Variants in ZCCHC10 observed in about 807,000 individuals in gnomAD.
ZCCHC10 encodes zinc finger CCHC-type containing 10.
ZCCHC10 carries 16 observed loss-of-function variants against 19.5 expected under a neutral mutation model. That is an observed-to-expected ratio of 0.82 (90% CI 0.56 to 1.25). ZCCHC10 has a LOEUF of 1.25. ZCCHC10 is among the 50% of genes most tolerant of loss of function. The probability of loss-of-function intolerance (pLI) is 0.00; values close to 1 mark genes in which losing one functional copy is unlikely to be tolerated. For missense variants in ZCCHC10, 197 were observed against 201.0 expected (o/e 0.98, Z 0.12); for synonymous variants, 67 against 72.5 (o/e 0.92, Z 0.38).
rs1224857090 is a variant in ZCCHC10 at position 133,022,884 on chromosome 5, C to A, written c.64G>T (p.Val22Phe). 2 of 611,746 alleles carry A rather than the reference C, an allele frequency of 3.3e-6. No homozygotes were observed. The highest frequency in any genetic ancestry group is 5.8e-6 in the Non-Finnish European group (2 of 344,642). 37.9% of individuals were successfully genotyped at this position (611,746 alleles called of 1,614,324 possible). The change falls in exon 2 of 5, where the codon GTC (valine) becomes TTC (phenylalanine). Residue 22 changes from valine to phenylalanine, a missense_variant. Val to Phe is a conservative substitution (Grantham distance 50). Coordinates refer to ENST00000509437, the MANE Select transcript of ZCCHC10 (RefSeq NM_001300816.3). ...TGAATCAGGATCCAAAAGGTCTTGA[C>A]AGGCTGCAACTCTGTGTCGAATCTA... ...RQAFDTELQP[V>F]KTFWILIQPS... is the part of the protein sequence containing the mutation.
intron 2 of ZCCHC10, among the ~76,000 whole-genome samples, chr5:133,017,934 A>T (rs898195585): frequency 1.3e-5 from 2 of 152,154 alleles, no homozygotes; most frequent in Non-Finnish European, 2.9e-5. Flanking sequence ...ACTTGAAGCC[A>T]GGAGTTCGAG....
chr5:133,011,291 C>T lies in ZCCHC10; in HGVS notation c.108-4371G>A, dbSNP rs951208959. The stretch of plus-strand genomic sequence containing the variant: ...TAATAATCCTAAAAACTACCAAATA[C>T]CTAGAAAACAGAGAAAAGAAGTGTG... On this transcript the variant is annotated intron_variant, in intron 2 of 4. Transcript: ENST00000509437. The T allele has an allele frequency of 2.6e-5, 4 of 151,482 alleles. No homozygotes were observed. The South Asian group carries it at 6.2e-4, about 24-fold the overall frequency. The allele number at this position is 151,482 out of a possible 1,614,324, so 9.4% of individuals were successfully genotyped here. A position where few individuals can be genotyped will look rare whatever the true frequency, so the allele number is the denominator to read the frequency against.
chr5:133,012,463 A>C (rs1763619046), intron 2 of ZCCHC10, among the ~76,000 whole-genome samples: 1 of 136,568 alleles, frequency 7.3e-6, no homozygotes, highest in Non-Finnish European at 1.6e-5. Flanking sequence ...GTGAGACTCC[A>C]TCTCAAAGAA....
intron 1 of ZCCHC10, among the ~76,000 whole-genome samples, chr5:133,024,796 G>A (rs967094147): frequency 2.6e-5 from 4 of 152,146 alleles, no homozygotes; most frequent in East Asian, 1.9e-4. Flanking sequence ...CCAGCTAGTC[G>A]GGAGGCTGAG....
At chr5:133,005,465 T>TACAA (rs1763059257) in intron 3 of ZCCHC10, among the ~76,000 whole-genome samples, 1 of 151,802 alleles carries the variant, frequency 6.6e-6, no homozygotes, top group Non-Finnish European at 1.5e-5. Flanking sequence ...ATACAAAAAA[T>TACAA]TAGCCAGGCG....
intron 1 of ZCCHC10, among the ~76,000 whole-genome samples, chr5:133,025,468 C>A (rs542010758): frequency 1.5e-5 from 2 of 134,492 alleles, no homozygotes; most frequent in African/African-American, 5.6e-5. Context: ...TGCACCTCTG[C>A]ACTCCAGCCT....
At chr5:133,000,842 C>T (rs1762723252) in intron 3 of ZCCHC10, among the ~76,000 whole-genome samples, 1 of 151,620 alleles carries the variant, frequency 6.6e-6, no homozygotes, top group Non-Finnish European at 1.5e-5. Context: ...AGGGTTTTAT[C>T]ATACTGGCCA....
rs534931555 is a variant in ZCCHC10, at chr5:133,022,634, G to T, written c.107+207C>A. Among the ~76,000 whole-genome samples, 3 of 152,094 alleles carry T rather than the reference G, an allele frequency of 2.0e-5. No homozygotes were observed. In the South Asian group the frequency reaches 6.2e-4, roughly 32 times the overall value. On this transcript the variant is annotated intron_variant, in intron 2 of 4. Transcript: ENST00000509437. ...CATCCAGCTAATTTTTGTAATTTTT[G>T]TAGAGATGGGGTTTCAACATGTTGG... is the stretch of plus-strand genomic sequence containing the variant.
intron 1 of ZCCHC10, among the ~76,000 whole-genome samples, chr5:133,025,797 T>C (rs760006669): frequency 6.6e-6 from 1 of 152,142 alleles, no homozygotes; most frequent in Non-Finnish European, 1.5e-5. Flanking sequence ...GGCCTTTCCC[T>C]CTTTCCATCA....
intron 2 of ZCCHC10, among the ~76,000 whole-genome samples, chr5:133,021,815 A>G (rs1484635057): frequency 6.6e-6 from 1 of 151,486 alleles, no homozygotes; most frequent in Non-Finnish European, 1.5e-5. Flanking sequence ...TTTTTTTGAA[A>G]CAGAGTCTTG....
intron 3 of ZCCHC10, 146 bp downstream of exon 3, chr5:133,006,613 T>G (rs1452025679): frequency 2.5e-5 from 18 of 717,674 alleles, no homozygotes; most frequent in Non-Finnish European, 3.4e-5. Context: ...GACCCTAGAA[T>G]AGTACTTGGC....
At position 133,026,394 on chromosome 5, in the gene ZCCHC10, C is replaced by G. The variant is rs1764716794; in HGVS notation, c.41+103G>C. 4 of 1,482,780 alleles carry G rather than the reference C, an allele frequency of 2.7e-6. No individual in the cohort carries two copies. In the African/African-American group the frequency reaches 4.2e-5, roughly 15 times the overall value. 91.9% of individuals were successfully genotyped at this position (1,482,780 alleles called of 1,614,324 possible). On this transcript the variant is annotated intron_variant, in intron 1 of 4. Coordinates refer to ENST00000509437, the MANE Select transcript of ZCCHC10 (RefSeq NM_001300816.3). ...GGGAGCCAGAAGAGTGTTTGAGAAA[C>G]GGACATTCTCCGCCGGTCCCAATAG... is the stretch of plus-strand genomic sequence containing the variant.
At chr5:133,006,034 G>GAA (rs1172312947) in intron 3 of ZCCHC10, among the ~76,000 whole-genome samples, 9 of 142,100 alleles carry the variant, frequency 6.3e-5, no homozygotes, top group African/African-American at 8.1e-5. Flanking sequence ...GCCCAGTCGG[G>GAA]AATGCAGTGG....
chr5:133,025,503 CAAAAAAAAAAAAAAAA>C (rs74843776), intron 1 of ZCCHC10, among the ~76,000 whole-genome samples: 35 of 18,682 alleles, frequency 1.9e-3, no homozygotes, highest in Non-Finnish European at 3.9e-3. Flanking sequence ...GACTCCGCCT[CAAAAAAAAAAAAAAAA>C]AAAAAAAAAA....
intron 3 of ZCCHC10, among the ~76,000 whole-genome samples, chr5:133,002,068 T>TC (rs138167889): frequency 0.31 from 46,003 of 149,332 alleles, 7,984 homozygotes; most frequent in African/African-American, 0.47. Flanking sequence ...TTCATGCCAT[T>TC]TCCTGCCTCA....
At chr5:133,017,829 C>A (rs1015223408) in intron 2 of ZCCHC10, among the ~76,000 whole-genome samples, 2 of 152,062 alleles carry the variant, frequency 1.3e-5, no homozygotes, top group Non-Finnish European at 2.9e-5. Flanking sequence ...CCAAATTGAA[C>A]GATTGAACGA....
rs1179835689 is a variant in ZCCHC10 at position 133,013,050 on chromosome 5, CA to C, written c.108-6131del. On this transcript the variant is annotated intron_variant, in intron 2 of 4. Coordinates refer to ENST00000509437, the MANE Select transcript of ZCCHC10 (RefSeq NM_001300816.3). The stretch of plus-strand genomic sequence containing the variant: ...TGGGTGACAGAGGGAGACTCCGTCT[CA>C]AAAAAAAATTAAAAAAAAAAAAAAA... Among the ~76,000 whole-genome samples the C allele has an allele frequency of 1.0e-4, 10 of 100,358 alleles. No homozygotes were observed. The East Asian group carries it at 2.0e-3, about 20-fold the overall frequency. The allele number at this position is 100,358 out of a possible 152,430, so 65.8% of individuals were successfully genotyped here. A position where few individuals can be genotyped will look rare whatever the true frequency, so the allele number is the denominator to read the frequency against.
At chr5:133,015,239 C>G (rs6875872) in intron 2 of ZCCHC10, among the ~76,000 whole-genome samples, 46,936 of 151,704 alleles carry the variant, frequency 0.31, 8,157 homozygotes, top group African/African-American at 0.47. Flanking sequence ...CCACCACACT[C>G]AGCTAATTTT....
intron 3 of ZCCHC10, 99 bp downstream of exon 3, chr5:133,006,657 TATA>T: frequency 8.6e-7 from 1 of 1,156,070 alleles, no homozygotes; most frequent in East Asian, 2.6e-5. Context: ...TTAGTAACAT[TATA>T]ATTAAAATCT....
Sources: gnomAD v4.1 joint callset for allele counts (sites outside exome capture counted in the v4.1 genomes callset) on GRCh38, gnomAD v4.1.1 for gene constraint, MANE v1.5 for transcripts, NCBI Gene and HGNC (gene_info 2026-07-23, HGNC 2026-07-21) for gene names.